The following EVC2 variants were observed in gnomAD, a reference collection of about 807,000 sequenced individuals.
EVC2 encodes limbin.
A neutral mutation model predicts 149.3 loss-of-function variants in EVC2; 148 were observed. That is an observed-to-expected ratio of 0.99 (90% CI 0.87 to 1.14). The LOEUF (loss-of-function observed/expected upper bound fraction) is 1.14. EVC2 is among the 50% of genes most tolerant of loss of function. The pLI is 0.00. For missense variants in EVC2, 1,854 were observed against 1,627.3 expected (o/e 1.14, Z -2.40); for synonymous variants, 776 against 649.9 (o/e 1.19, Z -2.95).
chr4:5,593,645 A>G (rs1713058383), intron 16 of EVC2, among the ~76,000 whole-genome samples: 1 of 152,194 alleles, frequency 6.6e-6, no homozygotes, highest in African/African-American at 2.4e-5. Flanking sequence ...TGAGCGACGC[A>G]CAAGATGGGT....
downstream of EVC2, among the ~76,000 whole-genome samples, chr4:5,559,170 T>C (rs1721893365): frequency 6.6e-6 from 1 of 152,084 alleles, no homozygotes; most frequent in Non-Finnish European, 1.5e-5. The surrounding 1 kb of genome is among the most constrained non-coding windows in gnomAD (Gnocchi z 5.0). Flanking sequence ...GATTGTACAC[T>C]GCACTCCAGC....
At chr4:5,591,544 G>A (rs912315628) in intron 16 of EVC2, among the ~76,000 whole-genome samples, 12 of 152,190 alleles carry the variant, frequency 7.9e-5, no homozygotes, top group Admixed American at 4.6e-4. Context: ...GAATGAGAAG[G>A]CCGTAAGGAA....
rs552452999 is a variant in EVC2 at position 5,584,662 on chromosome 4, G to C, written c.3018C>G (p.Thr1006=). The C allele has an allele frequency of 1.9e-6, 3 of 1,613,876 alleles. No individual in the cohort carries two copies. The highest frequency in any genetic ancestry group is 2.2e-5 in the East Asian group (1 of 44,856). The change falls in exon 17 of 22, where the codon ACC becomes ACG. Residue 1006 remains threonine, a synonymous_variant. Transcript: ENST00000344408. ...LEELSASEML[T]KSACTQILES... ...CCAGGATCTGTGTGCAGGCCGACTT[G>C]GTCAGCATCTCAGATGCACTCAGCT...
chr4:5,568,394 C>A, intron 20 of EVC2, 50 bp downstream of exon 20: 1 of 1,526,638 alleles, frequency 6.6e-7, no homozygotes, highest in South Asian at 1.2e-5. Flanking sequence ...TCATGGGGAC[C>A]CTTGTGGACA....
intron 16 of EVC2, among the ~76,000 whole-genome samples, chr4:5,600,029 T>C (rs1268651203): frequency 6.6e-6 from 1 of 152,206 alleles, no homozygotes; most frequent in African/African-American, 2.4e-5. Flanking sequence ...ATCTACATTA[T>C]CAAAGTGCAA....
intron 1 of EVC2, among the ~76,000 whole-genome samples, chr4:5,707,712 G>A (rs773744945): frequency 6.6e-6 from 1 of 152,044 alleles, no homozygotes; most frequent in Non-Finnish European, 1.5e-5. Context: ...CAGCTTTGTC[G>A]GGGGAGGTCA....
At chr4:5,608,563 T>G (rs142229054) in intron 16 of EVC2, among the ~76,000 whole-genome samples, 1 of 152,288 alleles carries the variant, frequency 6.6e-6, no homozygotes, top group East Asian at 1.9e-4. Context: ...AGACAGAGTC[T>G]CGGTCGGTCG....
At chr4:5,688,621 T>G (rs1358093193) in intron 5 of EVC2, among the ~76,000 whole-genome samples, 1 of 152,134 alleles carries the variant, frequency 6.6e-6, no homozygotes, top group African/African-American at 2.4e-5. Flanking sequence ...AGCCAACCAG[T>G]GAGGGTGGCA....
At chr4:5,656,597 A>G (rs1718536142) in intron 9 of EVC2, among the ~76,000 whole-genome samples, 1 of 152,206 alleles carries the variant, frequency 6.6e-6, no homozygotes, top group Non-Finnish European at 1.5e-5. Flanking sequence ...ACACAGAAGA[A>G]GGGGAGGTCA....
At chr4:5,560,128 C>A (rs955238788), downstream of EVC2, among the ~76,000 whole-genome samples, 1 of 151,602 alleles carries the variant, frequency 6.6e-6, no homozygotes, top group Non-Finnish European at 1.5e-5. This position sits in a 1 kb window ranked among gnomAD's most constrained non-coding sequence, Gnocchi z 4.1. Flanking sequence ...ACACAGGGAG[C>A]CGAGCCCCTG....
chr4:5,671,952 T>G (rs528191738), intron 7 of EVC2, among the ~76,000 whole-genome samples: 1 of 152,366 alleles, frequency 6.6e-6, no homozygotes, highest in South Asian at 2.1e-4. Context: ...TGTTTGGATG[T>G]GACACTACAC....
intron 7 of EVC2, among the ~76,000 whole-genome samples, chr4:5,669,220 T>C (rs1487481947): frequency 1.3e-5 from 2 of 152,214 alleles, no homozygotes; most frequent in Middle Eastern, 3.2e-3. Flanking sequence ...AATTAAATTG[T>C]TGTATTAAGG....
At chr4:5,664,897 A>T (rs569674457) in intron 8 of EVC2, among the ~76,000 whole-genome samples, 1 of 147,468 alleles carries the variant, frequency 6.8e-6, no homozygotes, top group Non-Finnish European at 1.5e-5. Context: ...GTGATGGGGT[A>T]CGTGTGGGTG....
At chr4:5,563,484 C>T (rs972809338) in intron 21 of EVC2, among the ~76,000 whole-genome samples, 5 of 152,088 alleles carry the variant, frequency 3.3e-5, no homozygotes, top group African/African-American at 4.8e-5. Context: ...GTAACTGGGA[C>T]GACAGGCGCG....
intron 9 of EVC2, among the ~76,000 whole-genome samples, chr4:5,655,242 A>G (rs190377094): frequency 1.3e-5 from 2 of 152,314 alleles, no homozygotes; most frequent in East Asian, 3.9e-4. Context: ...TCCAGAAGCA[A>G]GGATCAGGTT....
chr4:5,682,519 A>T (rs548504769), intron 6 of EVC2, among the ~76,000 whole-genome samples: 12 of 150,662 alleles, frequency 8.0e-5, no homozygotes, highest in South Asian at 2.1e-4. Flanking sequence ...TAATAATAAA[A>T]TTTTTTAAAA....
downstream of EVC2, among the ~76,000 whole-genome samples, chr4:5,540,320 T>C (rs886662833): frequency 1.3e-5 from 2 of 152,218 alleles, no homozygotes; most frequent in African/African-American, 2.4e-5. Context: ...TTCTAGCCAT[T>C]CCACCAGCTA....
chr4:5,593,127 C>G (rs1197528779), intron 16 of EVC2, among the ~76,000 whole-genome samples: 1 of 152,144 alleles, frequency 6.6e-6, no homozygotes, highest in Non-Finnish European at 1.5e-5. Context: ...GTCTCCCCAG[C>G]CCTGCAGAAC....
chr4:5,649,764 A>G (rs1717977619), intron 9 of EVC2, among the ~76,000 whole-genome samples: 1 of 152,208 alleles, frequency 6.6e-6, no homozygotes, highest in Non-Finnish European at 1.5e-5. Context: ...ATTCAATACG[A>G]GTGAAACTGA....
Sources: gnomAD v4.1 joint callset for allele counts (sites outside exome capture counted in the v4.1 genomes callset) on GRCh38, gnomAD v4.1.1 for gene constraint, Gnocchi (gnomAD v3.1) non-coding constraint, MANE v1.5 for transcripts, NCBI Gene and HGNC (gene_info 2026-07-23, HGNC 2026-07-21) for gene names.